Variants in SPIRE1 observed in about 807,000 individuals in gnomAD.
SPIRE1 encodes the protein spire type actin nucleation factor 1.
Under a neutral mutation model 94.1 loss-of-function variants are expected in SPIRE1, and 40 were observed. The ratio of observed to expected loss-of-function variants is 0.43; its 90% CI spans 0.33 to 0.55. The LOEUF (loss-of-function observed/expected upper bound fraction) is 0.55. Ranked by LOEUF, SPIRE1 falls within the 20% of genes least tolerant of loss-of-function variation. The probability of loss-of-function intolerance (pLI) is 0.06; values close to 1 mark genes in which losing one functional copy is unlikely to be tolerated. For missense variants in SPIRE1, 838 were observed against 975.2 expected (o/e 0.86, Z 1.87); for synonymous variants, 376 against 371.7 (o/e 1.01, Z -0.13).
Position 12,530,482 on chromosome 18 carries a change from T to A in SPIRE1, c.729+4994A>T, listed in dbSNP as rs74399596. On this transcript the variant is annotated intron_variant, in intron 4 of 16. Transcript: ENST00000409402. Reference sequence around the variant, plus strand: ...AACTCCCGGGCTCAAAAGATCTTCCTGTCTCCGCCTCCCAAGCAGCTAGGA... The same window carrying A: ...AACTCCCGGGCTCAAAAGATCTTCCAGTCTCCGCCTCCCAAGCAGCTAGGA... Among the ~76,000 whole-genome samples the A allele has an allele frequency of 7.8e-3, 1,181 of 152,234 alleles. 14 individuals carry two copies. Among genetic ancestry groups the A allele is most frequent in the African/African-American group, 0.027 (1,110 of 41,526 alleles).
At chr18:12,553,650 G>A (rs1241566839) in intron 2 of SPIRE1, among the ~76,000 whole-genome samples, 6 of 152,078 alleles carry the variant, frequency 3.9e-5, no homozygotes, top group Admixed American at 1.3e-4. Flanking sequence ...GACCTACCCC[G>A]GGGCCTGGGG....
chr18:12,573,708 G>A (rs868837887), intron 2 of SPIRE1, among the ~76,000 whole-genome samples: 1 of 152,112 alleles, frequency 6.6e-6, no homozygotes, highest in Middle Eastern at 3.4e-3. Context: ...AACATAAAAA[G>A]TGAACCCTTA....
intron 4 of SPIRE1, among the ~76,000 whole-genome samples, chr18:12,514,442 A>C (rs1311321504): frequency 6.6e-6 from 1 of 152,036 alleles, no homozygotes; most frequent in Admixed American, 6.6e-5. Context: ...TTCAGACTTT[A>C]GGAAAGAAGA....
At chr18:12,518,745 TAA>T (rs2034273618) in intron 4 of SPIRE1, among the ~76,000 whole-genome samples, 1 of 152,042 alleles carries the variant, frequency 6.6e-6, no homozygotes, top group Non-Finnish European at 1.5e-5. Flanking sequence ...ATTACTTACA[TAA>T]AGAGTATTAA....
chr18:12,611,543 A>C (rs2037141123), intron 2 of SPIRE1, among the ~76,000 whole-genome samples: 1 of 152,226 alleles, frequency 6.6e-6, no homozygotes, highest in African/African-American at 2.4e-5. Context: ...CCTGGCCAAT[A>C]TATTGACTAA....
chr18:12,479,730 G>C lies in SPIRE1; in HGVS notation c.1373C>G (p.Thr458Ser), dbSNP rs376885798. The C allele has an allele frequency of 2.5e-6, 4 of 1,613,890 alleles. No homozygotes were observed. The highest frequency in any genetic ancestry group is 3.4e-6 in the Non-Finnish European group (4 of 1,179,902). Residue 458 changes from threonine (T) to serine (S), a missense_variant, in exon 10 of 17, where the codon ACT (threonine) becomes AGT (serine). By Grantham distance (58) the Thr-to-Ser change is moderately conservative (BLOSUM62 1). Transcript: ENST00000409402. ...AQRKKLLRAPTLAELDSSESE... is the reference protein window; with the variant it reads ...AQRKKLLRAPSLAELDSSESE... ...CTCAGAGCTGTCCAGTTCGGCCAGA[G>C]TTGGGGCTCTGAGGAGCTTCTTCCG... is the stretch of plus-strand genomic sequence containing the variant.
chr18:12,530,683 A>G (rs1226383952), intron 4 of SPIRE1, among the ~76,000 whole-genome samples: 19 of 152,224 alleles, frequency 1.2e-4, no homozygotes, highest in Admixed American at 1.2e-3. Flanking sequence ...AAGAAGTTAC[A>G]TGAATAATGA....
chr18:12,597,157 TACACACACACACACACAC>T (rs58238813), intron 2 of SPIRE1, among the ~76,000 whole-genome samples: 20,566 of 144,148 alleles, frequency 0.14, 1,641 homozygotes, highest in East Asian at 0.31. Context: ...TGTCTCTTTC[TACACACACACACACACAC>T]ACACACACAC....
intron 1 of SPIRE1, chr18:12,656,611 G>T: frequency 3.5e-6 from 2 of 577,694 alleles, no homozygotes; most frequent in Non-Finnish European, 4.4e-6. Flanking sequence ...CTTTCTAAAA[G>T]TGAGGGTAGA....
chr18:12,597,915 G>A (rs1007691635), intron 2 of SPIRE1, among the ~76,000 whole-genome samples: 1 of 152,188 alleles, frequency 6.6e-6, no homozygotes, highest in Non-Finnish European at 1.5e-5. Flanking sequence ...ATGTCTAGAT[G>A]TAAGACTGAG....
At chr18:12,521,759 C>A (rs1044357385) in intron 4 of SPIRE1, among the ~76,000 whole-genome samples, 2 of 151,610 alleles carry the variant, frequency 1.3e-5, no homozygotes, top group African/African-American at 4.9e-5. Context: ...GTAATTCTCA[C>A]AATATTCCAT....
intron 1 of SPIRE1, chr18:12,653,390 T>C (rs759901606): frequency 6.6e-6 from 1 of 152,228 alleles, no homozygotes; most frequent in Non-Finnish European, 1.5e-5. Context: ...GTACCTGCTA[T>C]ACAGCAAGTC....
chr18:12,593,244 C>T (rs1787989030), intron 2 of SPIRE1, among the ~76,000 whole-genome samples: 1 of 152,144 alleles, frequency 6.6e-6, no homozygotes, highest in African/African-American at 2.4e-5. Context: ...TAAGACCATA[C>T]AGATGTGAGA....
chr18:12,590,438 G>A (rs1380945873), intron 2 of SPIRE1, among the ~76,000 whole-genome samples: 1 of 151,984 alleles, frequency 6.6e-6, no homozygotes, highest in African/African-American at 2.4e-5. Flanking sequence ...CCCTTTCAAT[G>A]CAATCTGAAA....
At chr18:12,599,102 G>A (rs933587295) in intron 2 of SPIRE1, among the ~76,000 whole-genome samples, 4 of 151,950 alleles carry the variant, frequency 2.6e-5, no homozygotes, top group Non-Finnish European at 5.9e-5. Context: ...ACAAATAAGG[G>A]CATGTCTTAG....
chr18:12,536,524 A>C (rs2034846146), intron 3 of SPIRE1, among the ~76,000 whole-genome samples: 1 of 152,108 alleles, frequency 6.6e-6, no homozygotes, highest in African/African-American at 2.4e-5. Flanking sequence ...AAAAAAAAAA[A>C]AGAATGTCAG....
intron 2 of SPIRE1, among the ~76,000 whole-genome samples, chr18:12,564,278 G>A (rs1185541858): frequency 7.9e-5 from 12 of 152,118 alleles, no homozygotes; most frequent in Admixed American, 7.9e-4. Context: ...GTTGGACTGG[G>A]TAGTGGCAGT....
intron 12 of SPIRE1, among the ~76,000 whole-genome samples, chr18:12,459,409 G>A (rs1472129135): frequency 6.6e-6 from 1 of 152,220 alleles, no homozygotes; most frequent in East Asian, 1.9e-4. Flanking sequence ...TCTTCTGATG[G>A]TGGGGGGAGG....
chr18:12,649,795 T>A (rs990342922), intron 1 of SPIRE1, among the ~76,000 whole-genome samples: 1 of 152,348 alleles, frequency 6.6e-6, no homozygotes, highest in Middle Eastern at 3.4e-3. Flanking sequence ...TGTAGATGAC[T>A]AAATTCTTTC....
Sources: allele counts gnomAD v4.1 joint callset (sites outside exome capture counted in the v4.1 genomes callset), GRCh38; gene constraint gnomAD v4.1.1; transcripts MANE v1.5; gene names NCBI Gene and HGNC (gene_info 2026-07-23, HGNC 2026-07-21).